The following PBX1 variants were observed in gnomAD, a reference collection of about 807,000 sequenced individuals.
The protein encoded by PBX1 is pre-B-cell leukemia transcription factor 1.
Under a neutral mutation model 53.4 loss-of-function variants are expected in PBX1, and 6 were observed. The observed-to-expected ratio is 0.11, with a 90% CI of 0.06 to 0.22. The LOEUF is 0.22. Ranked by LOEUF, PBX1 falls within the 10% of genes least tolerant of loss-of-function variation. The pLI is 1.00. For missense variants in PBX1, 251 were observed against 551.4 expected (o/e 0.46, Z 5.46); for synonymous variants, 204 against 212.3 (o/e 0.96, Z 0.34).
chr1:164,811,884 C>G lies in PBX1; in HGVS notation c.838-106C>G, dbSNP rs891982616. On this transcript the variant is annotated intron_variant, in intron 5 of 8. Transcript: ENST00000420696. ...GTTGCCAAATTATTATAGGATAAGACCAATTAGCTTACCTCTTCACCTCTC... is the reference window on the plus strand; with the variant it reads ...GTTGCCAAATTATTATAGGATAAGAGCAATTAGCTTACCTCTTCACCTCTC... The G allele has an allele frequency of 4.1e-6, 3 of 725,744 alleles. No individual in the cohort carries two copies. The African/African-American group carries it at 6.1e-5, about 15-fold the overall frequency. The allele number at this position is 725,744 out of a possible 1,614,324, so 45.0% of individuals were successfully genotyped here.
chr1:164,569,924 G>A (rs568478708), intron 2 of PBX1, among the ~76,000 whole-genome samples: 3 of 152,222 alleles, frequency 2.0e-5, no homozygotes, highest in African/African-American at 7.2e-5. Flanking sequence ...GGGACAGATT[G>A]GAAGAAGAGG....
At chr1:164,601,729 TG>T (rs555098407) in intron 2 of PBX1, among the ~76,000 whole-genome samples, 1 of 152,178 alleles carries the variant, frequency 6.6e-6, no homozygotes, top group Non-Finnish European at 1.5e-5. Context: ...ATTTTCCTGT[TG>T]TTCCAGGGAA....
At chr1:164,798,635 A>G (rs1489166352) in intron 3 of PBX1, among the ~76,000 whole-genome samples, 2 of 152,214 alleles carry the variant, frequency 1.3e-5, no homozygotes, top group African/African-American at 4.8e-5. Context: ...TCTCTGGGCC[A>G]CTTCTTCCTG....
At chr1:164,722,601 ATC>A (rs1391133912) in intron 2 of PBX1, among the ~76,000 whole-genome samples, 1 of 152,104 alleles carries the variant, frequency 6.6e-6, no homozygotes, top group East Asian at 1.9e-4. Context: ...AGATGTTTGG[ATC>A]TCTCTCCCTC....
chr1:164,653,608 T>TA (rs1659971023), intron 2 of PBX1, among the ~76,000 whole-genome samples: 1 of 151,994 alleles, frequency 6.6e-6, no homozygotes, highest in South Asian at 2.1e-4. Context: ...CCCCGTCTAC[T>TA]AAAAAACAAA....
At chr1:164,748,706 A>T (rs1373719382) in intron 2 of PBX1, among the ~76,000 whole-genome samples, 1 of 152,186 alleles carries the variant, frequency 6.6e-6, no homozygotes, top group Non-Finnish European at 1.5e-5. Context: ...GAGAATGAGA[A>T]TTGTGGTCAT....
rs955044708 is a variant in PBX1 at position 164,584,336 on chromosome 1, T to C, written c.265+21025T>C. Among the ~76,000 whole-genome samples the C allele has an allele frequency of 2.0e-5, 3 of 150,050 alleles. No individual in the cohort carries two copies. In the South Asian group the frequency reaches 6.3e-4, roughly 32 times the overall value. Reference sequence around the variant, plus strand: ...GGACAGCATAGTCAGACTCAGTCTCTAGGAAGGAGGGAGGGAGAGAGAGAG... The same window carrying C: ...GGACAGCATAGTCAGACTCAGTCTCCAGGAAGGAGGGAGGGAGAGAGAGAG... On this transcript the variant is annotated intron_variant, in intron 2 of 8. Coordinates refer to ENST00000420696, the MANE Select transcript of PBX1 (RefSeq NM_002585.4).
intron 2 of PBX1, among the ~76,000 whole-genome samples, chr1:164,587,950 AAG>A (rs1489449640): frequency 1.3e-5 from 2 of 152,198 alleles, no homozygotes; most frequent in East Asian, 3.8e-4. Flanking sequence ...AGAGAAGAGA[AAG>A]AGCCCTAGGA....
intron 6 of PBX1, 129 bp from the exon 7 acceptor site, chr1:164,819,943 A>C: frequency 1.6e-6 from 1 of 625,196 alleles, no homozygotes; most frequent in Non-Finnish European, 2.9e-6. Flanking sequence ...GACTCTGTTG[A>C]TGTTATTTTT....
chr1:164,610,541 G>T (rs1473088825), intron 2 of PBX1, among the ~76,000 whole-genome samples: 4 of 152,124 alleles, frequency 2.6e-5, no homozygotes, highest in African/African-American at 7.2e-5. Context: ...GAGATCCTTT[G>T]TAAGAGGTTA....
chr1:164,860,240 C>T (rs1111993), intron 2 of PBX1, among the ~76,000 whole-genome samples: 74,729 of 151,384 alleles, frequency 0.49, 18,589 homozygotes, highest in Non-Finnish European at 0.52. Flanking sequence ...TAATTCCAAA[C>T]AATTCAATCA....
At chr1:164,620,595 T>C (rs919677169) in intron 2 of PBX1, among the ~76,000 whole-genome samples, 6 of 152,126 alleles carry the variant, frequency 3.9e-5, no homozygotes. Flanking sequence ...TGGTGCTGAG[T>C]AGGTTGCTGA....
At position 164,605,051 on chromosome 1, in the gene PBX1, G is replaced by A. The variant is rs551226066; in HGVS notation, c.265+41740G>A. ...CTAATCTCAAGGAACCTGTGTTCTT[G>A]TGGGGCAGTCAAAGAAATAGGCCTA... On this transcript the variant is annotated intron_variant, in intron 2 of 8. Coordinates refer to ENST00000420696, the MANE Select transcript of PBX1 (RefSeq NM_002585.4). 6.2e-4 allele frequency: 94 copies of A among 152,282 alleles called. 2 individuals carry two copies. The highest frequency in any genetic ancestry group is 2.2e-3 in the African/African-American group (90 of 41,560). 9.4% of individuals were successfully genotyped at this position (152,282 alleles called of 1,614,324 possible). A position where few individuals can be genotyped will look rare whatever the true frequency, so the allele number is the denominator to read the frequency against.
chr1:164,844,332 C>A (rs1671456181), intron 8 of PBX1, among the ~76,000 whole-genome samples: 1 of 152,032 alleles, frequency 6.6e-6, no homozygotes, highest in Non-Finnish European at 1.5e-5. Flanking sequence ...AAAAGTAGGA[C>A]CCCTACCTCC....
At chr1:164,862,102 G>A (rs1449027086) in intron 2 of PBX1, among the ~76,000 whole-genome samples, 1 of 152,192 alleles carries the variant, frequency 6.6e-6, no homozygotes, top group Admixed American at 6.5e-5. Context: ...CAGCAGTGCT[G>A]TGAATAGACC....
intron 2 of PBX1, among the ~76,000 whole-genome samples, chr1:164,693,772 T>A (rs1686187): frequency 0.24 from 35,929 of 152,156 alleles, 4,470 homozygotes; most frequent in East Asian, 0.45. Context: ...GAAGAACAGA[T>A]CTGTCCATAG....
intron 2 of PBX1, among the ~76,000 whole-genome samples, chr1:164,788,270 C>G (rs1045390174): frequency 6.6e-6 from 1 of 152,114 alleles, no homozygotes; most frequent in Non-Finnish European, 1.5e-5. Context: ...TAAAAAGGAG[C>G]TTTTAAATAA....
intron 2 of PBX1, among the ~76,000 whole-genome samples, chr1:164,666,544 A>G (rs6672339): frequency 0.033 from 5,059 of 152,234 alleles, 122 homozygotes; most frequent in Admixed American, 0.056. Context: ...TGATGGAGCA[A>G]ATATTCTGCT....
chr1:164,697,014 C>T (rs992079412), intron 2 of PBX1, among the ~76,000 whole-genome samples: 1 of 152,118 alleles, frequency 6.6e-6, no homozygotes, highest in African/African-American at 2.4e-5. Context: ...TTTCATATGT[C>T]CGTCTTCTCA....
Sources: gnomAD v4.1 joint callset for allele counts (sites outside exome capture counted in the v4.1 genomes callset) on GRCh38, gnomAD v4.1.1 for gene constraint, MANE v1.5 for transcripts, NCBI Gene and HGNC (gene_info 2026-07-23, HGNC 2026-07-21) for gene names.